UBA2: variants seen among roughly 807,000 people sequenced by gnomAD.
UBA2 encodes the protein ubiquitin like modifier activating enzyme 2.
UBA2 carries 11 observed loss-of-function variants against 77.2 expected under a neutral mutation model. The ratio of observed to expected loss-of-function variants is 0.14; its 90% CI spans 0.09 to 0.24. UBA2 has a LOEUF of 0.24. Among genes scored for constraint, UBA2 ranks in the 10% least tolerant of loss-of-function variants. UBA2 has a pLI of 1.00. For synonymous variants in UBA2, 278 were observed against 276.7 expected, an observed-to-expected ratio of 1.00 and a Z score of -0.05; for missense variants, 487 against 781.7, an observed-to-expected ratio of 0.62 and a Z score of 4.50.
chr19:34,457,179 A>AAAAT (rs1262007864), intron 12 of UBA2, among the ~76,000 whole-genome samples: 32 of 53,224 alleles, frequency 6.0e-4, no homozygotes, highest in African/African-American at 3.0e-3. Flanking sequence ...AAAAAAAAAA[A>AAAAT]ATATATATAT....
intron 13 of UBA2, among the ~76,000 whole-genome samples, chr19:34,459,479 T>C (rs1021692100): frequency 6.6e-6 from 1 of 152,138 alleles, no homozygotes; most frequent in East Asian, 1.9e-4. Context: ...TACACACTTA[T>C]CTAATATGAC....
intron 2 of UBA2, 133 bp from the exon 3 acceptor site, chr19:34,431,728 C>T (rs2075258185): frequency 1.4e-6 from 1 of 720,710 alleles, no homozygotes; most frequent in Non-Finnish European, 2.4e-6. Context: ...AATTTTCTCA[C>T]ATTTTTGGAC....
chr19:34,466,926 G>T lies in UBA2; in HGVS notation c.1653G>T (p.Pro551=). 6.2e-7 allele frequency: 1 copy of T among 1,613,792 alleles called. No homozygotes were observed. The highest frequency in any genetic ancestry group is 8.5e-7 in the Non-Finnish European group (1 of 1,179,970). ...DVEFEVVGDA[P]EKVGPKQAED... is the part of the protein sequence containing the mutation. Reference sequence around the variant, plus strand: ...AATTTGAAGTTGTTGGTGATGCCCCGGAAAAAGTGGGGCCCAAACAAGCTG... The same window carrying T: ...AATTTGAAGTTGTTGGTGATGCCCCTGAAAAAGTGGGGCCCAAACAAGCTG... Residue 551 remains proline (P), a synonymous_variant, in exon 16 of 17, where the codon CCG becomes CCT. Coordinates refer to ENST00000246548, the MANE Select transcript of UBA2 (RefSeq NM_005499.3).
At position 34,454,533 on chromosome 19, in the gene UBA2, G is replaced by A; in HGVS notation, c.1222G>A (p.Gly408Arg). The A allele has an allele frequency of 6.2e-7, 1 of 1,601,360 alleles. No homozygotes were observed. The highest frequency in any genetic ancestry group is 2.2e-5 in the East Asian group (1 of 44,766). ...IVLEGLKILS[G>R]KIDQCRTIFL... ...ATTGGAAGGATTGAAGATTTTATCA[G>A]GAAAAATAGACCAGTGCAGAACAGT... The change falls in exon 12 of 17, where the codon GGA becomes AGA. Residue 408 changes from glycine (G) to arginine (R), a missense_variant. Coordinates refer to ENST00000246548, the MANE Select transcript of UBA2 (RefSeq NM_005499.3).
chr19:34,455,399 A>G (rs2075547040), intron 12 of UBA2, among the ~76,000 whole-genome samples: 1 of 152,048 alleles, frequency 6.6e-6, no homozygotes, highest in African/African-American at 2.4e-5. Context: ...GGGTAGGTGT[A>G]TCTCTTAAGG....
At chr19:34,435,256 G>A (rs1443695545) in intron 5 of UBA2, among the ~76,000 whole-genome samples, 3 of 152,126 alleles carry the variant, frequency 2.0e-5, no homozygotes, top group African/African-American at 4.8e-5. Flanking sequence ...AAATTAGCTG[G>A]ACATGGTGGC....
At chr19:34,451,895 G>A (rs973511165) in intron 9 of UBA2, 86 bp from the exon 10 acceptor site, 2 of 675,446 alleles carry the variant, frequency 3.0e-6, no homozygotes, top group Non-Finnish European at 4.5e-6. Flanking sequence ...TTTCTTAATG[G>A]TCGGGGATTG....
intron 15 of UBA2, among the ~76,000 whole-genome samples, chr19:34,466,331 G>A (rs946587042): frequency 3.3e-5 from 5 of 151,954 alleles, no homozygotes; most frequent in African/African-American, 1.2e-4. Flanking sequence ...GTGAGACTCC[G>A]TCTCGAAAAA....
At chr19:34,445,977 G>C (rs1368208756) in intron 8 of UBA2, among the ~76,000 whole-genome samples, 1 of 152,034 alleles carries the variant, frequency 6.6e-6, no homozygotes, top group African/African-American at 2.4e-5. Context: ...TTTTTGTTCT[G>C]TCTTGACTCC....
intron 3 of UBA2, 129 bp downstream of exon 3, chr19:34,432,060 T>C (rs779369453): frequency 1.4e-5 from 9 of 636,272 alleles, no homozygotes; most frequent in Non-Finnish European, 2.4e-5. Flanking sequence ...TGGTTTCTGC[T>C]TACAGAGTGG....
chr19:34,453,508 A>G (rs890456368), intron 10 of UBA2, among the ~76,000 whole-genome samples: 1 of 151,258 alleles, frequency 6.6e-6, no homozygotes, highest in African/African-American at 2.4e-5. Context: ...TGAAGTGTTA[A>G]TGAAACAGCT....
intron 9 of UBA2, among the ~76,000 whole-genome samples, chr19:34,450,855 T>C (rs894559921): frequency 6.2e-5 from 9 of 145,054 alleles, no homozygotes; most frequent in African/African-American, 2.3e-4. Context: ...TTCTCCCGCC[T>C]CAGCCTCCCG....
intron 12 of UBA2, among the ~76,000 whole-genome samples, chr19:34,457,882 CTTAA>C (rs534887946): frequency 6.6e-6 from 1 of 152,020 alleles, no homozygotes; most frequent in Non-Finnish European, 1.5e-5. Context: ...TGCCTTGGTT[CTTAA>C]TTATTTTTTT....
At position 34,446,786 on chromosome 19, in the gene UBA2, T is replaced by TC. The variant is rs1475633688; in HGVS notation, c.771+1665_771+1666insC. ...TATGCCTGGCTAATTTTTGTATTTT[T>TC]AGTAGATAGGGGGTTTCACCATATT... On this transcript the variant is annotated intron_variant, in intron 8 of 16. Transcript: ENST00000246548. Among the ~76,000 whole-genome samples the TC allele has an allele frequency of 2.0e-5, 3 of 152,126 alleles. No homozygotes were observed. The East Asian group carries it at 5.8e-4, about 29-fold the overall frequency.
chr19:34,458,991 C>G, intron 13 of UBA2, 67 bp downstream of exon 13: 10 of 1,447,862 alleles, frequency 6.9e-6, no homozygotes, highest in Non-Finnish European at 6.5e-6. Context: ...CAAACAAACA[C>G]TAGCTGCTGA....
chr19:34,428,852 G>T, intron 1 of UBA2: 1 of 1,105,158 alleles, frequency 9.0e-7, no homozygotes, highest in Non-Finnish European at 1.1e-6. Context: ...TCGTGGGCGT[G>T]AAGCCGCCTC....
rs1338145844 is a variant in UBA2 at position 34,438,673 on chromosome 19, C to T, written c.488C>T (p.Pro163Leu). 5 of 1,614,000 alleles carry T rather than the reference C, an allele frequency of 3.1e-6. No homozygotes were observed. Among genetic ancestry groups the T allele is most frequent in the Non-Finnish European group, 3.4e-6 (4 of 1,180,022 alleles). ...GTGACCGAGTGTTATGAGTGTCATC[C>T]TAAGCCGACCCAGAGAACCTTTCCT... ...KGVTECYECH[P>L]KPTQRTFPGC... is the part of the protein sequence containing the mutation. Residue 163 changes from proline to leucine, a missense_variant, in exon 6 of 17, where the codon CCT becomes CTT. Transcript: ENST00000246548.
At chr19:34,434,369 G>A (rs1468502095) in intron 4 of UBA2, among the ~76,000 whole-genome samples, 1 of 152,132 alleles carries the variant, frequency 6.6e-6, no homozygotes, top group Non-Finnish European at 1.5e-5. Context: ...TCCCACCTCA[G>A]CCTCCCAGAA....
chr19:34,456,080 T>TG (rs2075555992), intron 12 of UBA2, among the ~76,000 whole-genome samples: 1 of 148,478 alleles, frequency 6.7e-6, no homozygotes. Flanking sequence ...CTTGGCCCGA[T>TG]GCGCTCTTTT....
Sources: allele counts gnomAD v4.1 joint callset (sites outside exome capture counted in the v4.1 genomes callset), GRCh38; gene constraint gnomAD v4.1.1; transcripts MANE v1.5; gene names NCBI Gene and HGNC (gene_info 2026-07-23, HGNC 2026-07-21).